Variants in CYP2R1 observed in about 807,000 individuals in gnomAD.
CYP2R1 encodes the protein vitamin D 25-hydroxylase.
Under a neutral mutation model 45.7 loss-of-function variants are expected in CYP2R1, and 40 were observed. That is an observed-to-expected ratio of 0.87 (90% confidence interval 0.68 to 1.14). The LOEUF (loss-of-function observed/expected upper bound fraction) is 1.14, where lower values mean the gene tolerates loss of function less well. Among genes scored for constraint, CYP2R1 ranks in the 50% most tolerant of loss-of-function variants. The probability of loss-of-function intolerance (pLI) is 0.00; values close to 1 mark genes in which losing one functional copy is unlikely to be tolerated. For synonymous variants in CYP2R1, 234 were observed against 219.3 expected (o/e 1.07, Z -0.59); for missense variants, 605 against 602.6 (o/e 1.00, Z -0.04).
intron 1 of CYP2R1, chr11:14,891,164 G>A: frequency 2.0e-6 from 2 of 985,424 alleles, no homozygotes; most frequent in Non-Finnish European, 2.4e-6. Flanking sequence ...CACAAGCGGT[G>A]GTCGCCTTTT....
intron 2 of CYP2R1, among the ~76,000 whole-genome samples, chr11:14,881,583 T>C (rs190948919): frequency 7.2e-5 from 11 of 152,198 alleles, no homozygotes; most frequent in East Asian, 1.9e-4. Context: ...TGGGAACTGA[T>C]TGGATCATAG....
At chr11:14,880,901 G>A (rs1555012100) in intron 2 of CYP2R1, 133 bp from the exon 3 acceptor site, 3 of 818,408 alleles carry the variant, frequency 3.7e-6, no homozygotes, top group Admixed American at 5.9e-5. Flanking sequence ...ACATGGTTGG[G>A]TCCTGTTCTC....
At position 14,892,018 on chromosome 11, in the gene CYP2R1, T is replaced by A; in HGVS notation, c.188A>T (p.His63Leu). ...CTGGCTCTGCTTTCTCATGTAGACA[T>A]GGGGAAGCTCGGATGAGGCTGCCAG... ...YSLAASSELPHVYMRKQSQVY... is the reference protein window; with the variant it reads ...YSLAASSELPLVYMRKQSQVY... Residue 63 changes from histidine (H) to leucine (L), a missense_variant, in exon 1 of 5, where the codon CAT becomes CTT. Physicochemically the swap from His to Leu is moderately conservative, Grantham distance 99. Transcript: ENST00000334636. 6.2e-7 allele frequency: 1 copy of A among 1,613,438 alleles called. No individual in the cohort carries two copies. Among genetic ancestry groups the A allele is most frequent in the Non-Finnish European group, 8.5e-7 (1 of 1,179,792 alleles).
chr11:14,890,654 C>G, intron 1 of CYP2R1: 1 of 217,482 alleles, frequency 4.6e-6, no homozygotes. Context: ...TCACGCCATT[C>G]TCCTGCCTCA....
intron 1 of CYP2R1, among the ~76,000 whole-genome samples, chr11:14,889,323 A>C (rs1484706450): frequency 6.6e-6 from 1 of 152,194 alleles, no homozygotes. Flanking sequence ...TATTTTAACA[A>C]TTTATGCCAA....
At chr11:14,891,254 T>C (rs1299873695) in intron 1 of CYP2R1, 2 of 985,014 alleles carry the variant, frequency 2.0e-6, no homozygotes, top group African/African-American at 3.5e-5. Context: ...CCTCACCGGC[T>C]GGTTATGAGT....
chr11:14,885,405 A>G (rs1481014699), intron 2 of CYP2R1, among the ~76,000 whole-genome samples: 2 of 152,212 alleles, frequency 1.3e-5, no homozygotes, highest in African/African-American at 2.4e-5. Flanking sequence ...CTGTAAGCTT[A>G]TAAGTAAAAT....
chr11:14,891,649 G>T, intron 1 of CYP2R1: 2 of 1,152,774 alleles, frequency 1.7e-6, no homozygotes, highest in Non-Finnish European at 2.1e-6. Context: ...CGTCCACCCT[G>T]GACCTGAAGT....
At chr11:14,878,507 C>T (rs1022668744) in intron 4 of CYP2R1, among the ~76,000 whole-genome samples, 27 of 151,912 alleles carry the variant, frequency 1.8e-4, no homozygotes, top group Admixed American at 1.1e-3. Flanking sequence ...TGTTAGACCA[C>T]GGACTTTTGT....
chr11:14,880,813 A>T, intron 2 of CYP2R1, 45 bp from the exon 3 acceptor site: 1 of 1,542,604 alleles, frequency 6.5e-7, no homozygotes, highest in Non-Finnish European at 8.7e-7. Flanking sequence ...ACTTCTCTGT[A>T]TCTAAAAAAT....
chr11:14,887,572 G>T (rs1848668630), intron 1 of CYP2R1: 1 of 982,422 alleles, frequency 1.0e-6, no homozygotes, highest in African/African-American at 1.7e-5. Context: ...TGCCAATTAT[G>T]GGCTAATTAT....
At chr11:14,890,054 G>C (rs1275359499) in intron 1 of CYP2R1, among the ~76,000 whole-genome samples, 1 of 152,064 alleles carries the variant, frequency 6.6e-6, no homozygotes, top group Admixed American at 6.5e-5. Context: ...GCGTGAACTC[G>C]GGAGGCGGAG....
At chr11:14,892,327 T>C, upstream of CYP2R1, 1 of 938,108 alleles carries the variant, frequency 1.1e-6, no homozygotes, top group South Asian at 1.5e-5. Context: ...GGCCATTGGC[T>C]GACTGAGTGA....
intron 1 of CYP2R1, among the ~76,000 whole-genome samples, chr11:14,890,231 G>A (rs1848782855): frequency 6.6e-6 from 1 of 150,760 alleles, no homozygotes; most frequent in Non-Finnish European, 1.5e-5. Flanking sequence ...AAAAAAAAAA[G>A]ACTCAGAATA....
chr11:14,891,794 AG>A, intron 1 of CYP2R1, 186 bp downstream of exon 1: 1 of 1,403,908 alleles, frequency 7.1e-7, no homozygotes, highest in South Asian at 1.6e-5. Flanking sequence ...TCCCCCTGCA[AG>A]GGGGCACGGC....
chr11:14,889,984 C>T (rs1453020092), intron 1 of CYP2R1, among the ~76,000 whole-genome samples: 1 of 151,920 alleles, frequency 6.6e-6, no homozygotes, highest in Non-Finnish European at 1.5e-5. Context: ...AAAAAATTAG[C>T]CGGGCGTGGT....
Position 14,892,002 on chromosome 11 carries a change from C to T in CYP2R1, c.204G>A (p.Lys68=), listed in dbSNP as rs782794787. 4 of 1,613,466 alleles carry T rather than the reference C, an allele frequency of 2.5e-6. No individual in the cohort carries two copies. Among genetic ancestry groups the T allele is most frequent in the South Asian group, 1.1e-5 (1 of 91,056 alleles). The change falls in exon 1 of 5, where the codon AAG becomes AAA. Residue 68 remains lysine, a synonymous_variant. Transcript: ENST00000334636. ...GTACCTCTCCGTACACCTGGCTCTG[C>T]TTTCTCATGTAGACATGGGGAAGCT... is the stretch of plus-strand genomic sequence containing the variant. ...SSELPHVYMR[K]QSQVYGEIFS... is the part of the protein sequence containing the mutation.
intron 2 of CYP2R1, among the ~76,000 whole-genome samples, chr11:14,881,156 A>T (rs1565180187): frequency 1.3e-5 from 2 of 152,138 alleles, no homozygotes; most frequent in Non-Finnish European, 2.9e-5. Flanking sequence ...CACCTAAAAA[A>T]TCATCCTTCT....
At position 14,879,291 on chromosome 11, in the gene CYP2R1, CA is replaced by C; in HGVS notation, c.1152del (p.Glu385LysfsTer16). ...IVPLGIFHATSEDAVVRGYSI... is the reference protein window; with the variant it reads ...IVPLGIFHATXEDAVVRGYSI... ...GAATAACCACGTACAACTGCATCTTCAGAGGTTGCATGGAAAATCCCTAATG... is the reference window on the plus strand; with the variant it reads ...GAATAACCACGTACAACTGCATCTTCGAGGTTGCATGGAAAATCCCTAATG... On this transcript the variant is annotated frameshift_variant, in exon 4 of 5. Coordinates refer to ENST00000334636, the MANE Select transcript of CYP2R1 (RefSeq NM_024514.5). LOFTEE classifies it high-confidence loss of function. 1 of 1,613,288 alleles carries C rather than the reference CA, an allele frequency of 6.2e-7. No individual in the cohort carries two copies. The highest frequency in any genetic ancestry group is 8.5e-7 in the Non-Finnish European group (1 of 1,179,542).
Sources: allele counts gnomAD v4.1 joint callset (sites outside exome capture counted in the v4.1 genomes callset), GRCh38; gene constraint gnomAD v4.1.1; transcripts MANE v1.5; gene names NCBI Gene and HGNC (gene_info 2026-07-23, HGNC 2026-07-21).